Variants in WDR41 observed in about 807,000 individuals in gnomAD.
The protein encoded by WDR41 is WD repeat domain 41.
A neutral mutation model predicts 69.3 loss-of-function variants in WDR41; 63 were observed. The observed-to-expected ratio is 0.91, with a 90% CI of 0.74 to 1.12. The LOEUF is 1.12. WDR41 is among the 50% of genes most tolerant of loss of function. The probability of loss-of-function intolerance (pLI) is 0.00; values close to 1 mark genes in which losing one functional copy is unlikely to be tolerated. For missense variants in WDR41, 543 were observed against 534.5 expected (o/e 1.02, Z -0.16); for synonymous variants, 185 against 192.1 (o/e 0.96, Z 0.31).
At chr5:77,462,951 G>A (rs1269785977) in intron 4 of WDR41, 144 bp downstream of exon 4, 1 of 780,368 alleles carries the variant, frequency 1.3e-6, no homozygotes, top group Non-Finnish European at 1.9e-6. Context: ...CCTAATAAAT[G>A]GTATCTTATA....
Position 77,431,589 on chromosome 5 carries a change from T to A in WDR41, c.*1546A>T, listed in dbSNP as rs1051153829. 6.6e-6 allele frequency: 1 copy of A among 152,180 alleles called. No homozygotes were observed. The highest frequency in any genetic ancestry group is 1.5e-5 in the Non-Finnish European group (1 of 68,034). The allele number at this position is 152,180 out of a possible 1,614,324, so 9.4% of individuals were successfully genotyped here. On this transcript the variant is annotated 3_prime_UTR_variant, in exon 13 of 13. Coordinates refer to ENST00000296679, the MANE Select transcript of WDR41 (RefSeq NM_018268.4). ...ATTTGCTGTGGTACTTACGGTACCA[T>A]TTGCTTCCAAAATTCATGTGATTTC...
At chr5:77,463,907 T>C (rs1800176153) in intron 3 of WDR41, among the ~76,000 whole-genome samples, 1 of 142,162 alleles carries the variant, frequency 7.0e-6, no homozygotes, top group Non-Finnish European at 1.6e-5. Context: ...CATTGAAAAA[T>C]AAAGATCTGA....
intron 1 of WDR41, among the ~76,000 whole-genome samples, chr5:77,558,094 T>TTTAAAAAAAAAA (rs1554036365): frequency 4.4e-4 from 46 of 104,250 alleles, no homozygotes; most frequent in African/African-American, 1.2e-3. Flanking sequence ...ATGTTCTTTT[T>TTTAAAAAAAAAA]AAAAAAAAAA....
At chr5:77,613,923 T>G (rs1388619997) in intron 1 of WDR41, among the ~76,000 whole-genome samples, 3 of 152,200 alleles carry the variant, frequency 2.0e-5, no homozygotes, top group Non-Finnish European at 4.4e-5. Context: ...ATCCAGAATC[T>G]GCAATGAACT....
intron 1 of WDR41, 132 bp downstream of exon 1, chr5:77,492,038 G>C: frequency 4.3e-6 from 5 of 1,163,146 alleles, no homozygotes; most frequent in South Asian, 1.5e-5. Flanking sequence ...AGAACAGCGC[G>C]TGGCACGAGC....
intron 2 of WDR41, among the ~76,000 whole-genome samples, chr5:77,474,826 A>G (rs1008606621): frequency 1.3e-5 from 2 of 152,182 alleles, no homozygotes; most frequent in African/African-American, 2.4e-5. Flanking sequence ...AGATGGCCCA[A>G]TAGGAACAGC....
chr5:77,452,164 A>G (rs17683584), intron 6 of WDR41: 58,311 of 151,970 alleles, frequency 0.38, 11,252 homozygotes, highest in Admixed American at 0.4. Context: ...ATTTCTGGCC[A>G]AGATTTTTCT....
intron 1 of WDR41, among the ~76,000 whole-genome samples, chr5:77,507,624 A>G (rs1802129834): frequency 6.6e-6 from 1 of 152,180 alleles, no homozygotes; most frequent in African/African-American, 2.4e-5. Context: ...GTCAGTCAAT[A>G]TTCAGTGTTT....
intron 10 of WDR41, among the ~76,000 whole-genome samples, 169 bp downstream of exon 10, chr5:77,438,071 T>G (rs2151287361): frequency 6.6e-6 from 1 of 152,332 alleles, no homozygotes. Flanking sequence ...TGTAATATAC[T>G]GCCACATACC....
At chr5:77,550,130 T>G (rs1393317775) in intron 1 of WDR41, among the ~76,000 whole-genome samples, 3 of 152,068 alleles carry the variant, frequency 2.0e-5, no homozygotes, top group African/African-American at 7.2e-5. Context: ...GACCTCAAAC[T>G]ATAAGAATCC....
At chr5:77,444,262 C>T (rs72769040) in intron 8 of WDR41, among the ~76,000 whole-genome samples, 2,750 of 152,206 alleles carry the variant, frequency 0.018, 34 homozygotes, top group Middle Eastern at 0.061. Flanking sequence ...GACAAACAAC[C>T]TCAATTATAT....
intron 6 of WDR41, 88 bp downstream of exon 6, chr5:77,453,729 C>A: frequency 1.9e-6 from 2 of 1,042,030 alleles, no homozygotes; most frequent in Non-Finnish European, 2.9e-6. Context: ...CCTATATTGA[C>A]CTTTCTACTT....
chr5:77,618,747 CA>C (rs1334597625), intron 1 of WDR41, among the ~76,000 whole-genome samples: 1 of 152,106 alleles, frequency 6.6e-6, no homozygotes, highest in Non-Finnish European at 1.5e-5. Context: ...CAGAATTTAA[CA>C]AAGAAGGGGG....
At chr5:77,507,815 C>T (rs1379719948) in intron 1 of WDR41, among the ~76,000 whole-genome samples, 8 of 152,090 alleles carry the variant, frequency 5.3e-5, no homozygotes, top group Admixed American at 5.2e-4. Flanking sequence ...AAGTTTCAGC[C>T]ATTATTTCTT....
chr5:77,517,633 T>C (rs1325489400), intron 1 of WDR41, among the ~76,000 whole-genome samples: 1 of 4,310 alleles, frequency 2.3e-4, no homozygotes, highest in African/African-American at 6.0e-4. Flanking sequence ...TTATTGAACA[T>C]ATATATATAT....
intron 1 of WDR41, among the ~76,000 whole-genome samples, chr5:77,618,892 G>T (rs2112353813): frequency 6.6e-6 from 1 of 152,262 alleles, no homozygotes; most frequent in South Asian, 2.1e-4. Flanking sequence ...AGAAGAAATG[G>T]GATCCCATAG....
At chr5:77,601,817 T>C (rs1041096438) in intron 1 of WDR41, among the ~76,000 whole-genome samples, 21 of 152,214 alleles carry the variant, frequency 1.4e-4, no homozygotes, top group Admixed American at 4.6e-4. Flanking sequence ...TTTAAAAACC[T>C]TTTAATTACT....
chr5:77,551,630 A>T (rs908618013), intron 1 of WDR41, among the ~76,000 whole-genome samples: 6 of 152,000 alleles, frequency 3.9e-5, no homozygotes, highest in Non-Finnish European at 8.8e-5. Flanking sequence ...GTGAGCTGAG[A>T]TTGCACCACT....
chr5:77,588,336 T>G (rs1341889285), intron 1 of WDR41, among the ~76,000 whole-genome samples: 7 of 152,202 alleles, frequency 4.6e-5, no homozygotes, highest in Non-Finnish European at 1.0e-4. Flanking sequence ...GAATTCTGTT[T>G]AGAAAAATCT....
Sources: allele counts gnomAD v4.1 joint callset (sites outside exome capture counted in the v4.1 genomes callset), GRCh38; gene constraint gnomAD v4.1.1; transcripts MANE v1.5; gene names NCBI Gene and HGNC (gene_info 2026-07-23, HGNC 2026-07-21).